MPRIP: variants seen among roughly 807,000 people sequenced by gnomAD.
MPRIP encodes the protein myosin phosphatase Rho interacting protein.
In MPRIP, 59 loss-of-function variants were observed where a neutral mutation model predicts 234.9. The observed-to-expected ratio is 0.25, with a 90% CI of 0.20 to 0.31. The LOEUF is 0.31. MPRIP is among the 10% of genes least tolerant of loss of function. The probability of loss-of-function intolerance (pLI) is 1.00; values close to 1 mark genes in which losing one functional copy is unlikely to be tolerated. For missense variants in MPRIP, 2,436 were observed against 3,071.0 expected, an observed-to-expected ratio of 0.79 and a Z score of 4.89; for synonymous variants, 1,144 against 1,263.9, an observed-to-expected ratio of 0.91 and a Z score of 2.01.
chr17:17,158,292 A>G (rs2045776655), intron 13 of MPRIP, 140 bp from the exon 14 acceptor site: 1 of 617,418 alleles, frequency 1.6e-6, no homozygotes, highest in South Asian at 2.2e-5. Context: ...TCCTCCCTGC[A>G]CTTAGGAAGC....
intron 3 of MPRIP, among the ~76,000 whole-genome samples, chr17:17,081,419 C>T (rs890833796): frequency 5.3e-5 from 8 of 151,954 alleles, no homozygotes; most frequent in African/African-American, 1.9e-4. Flanking sequence ...TAAGACAGGG[C>T]GGGTAGGAAA....
intron 22 of MPRIP, among the ~76,000 whole-genome samples, chr17:17,178,030 C>A (rs1567780373): frequency 6.6e-6 from 1 of 151,630 alleles, no homozygotes; most frequent in Non-Finnish European, 1.5e-5. Context: ...CAAGGATTCT[C>A]CCACCTTAGC....
intron 16 of MPRIP, among the ~76,000 whole-genome samples, chr17:17,169,897 AT>A (rs1043194191): frequency 2.0e-5 from 3 of 152,182 alleles, no homozygotes; most frequent in Non-Finnish European, 2.9e-5. Context: ...AAGATCAATT[AT>A]TTTTTAGCAT....
At chr17:17,110,473 T>C (rs956037416) in intron 3 of MPRIP, among the ~76,000 whole-genome samples, 52 of 152,172 alleles carry the variant, frequency 3.4e-4, no homozygotes, top group Admixed American at 1.2e-3. Context: ...TGTGCAGAAT[T>C]CCAGGTTATT....
chr17:17,164,056 C>T, intron 15 of MPRIP, 53 bp from the exon 16 acceptor site: 1 of 1,247,278 alleles, frequency 8.0e-7, no homozygotes, highest in Non-Finnish European at 1.1e-6. Context: ...GTGTGACACT[C>T]AGAACTGGGA....
rs2088229535 is a variant in MPRIP, at chr17:17,043,065, GA to G, written c.123+95del. On this transcript the variant is annotated intron_variant, in intron 1 of 23. Coordinates refer to ENST00000651222, the MANE Select transcript of MPRIP (RefSeq NM_001364716.4). ...AAGGGCTGCAGGGAAAATAAAAATG[GA>G]GCAGGGAAATGCGCGAGTCCTGGGG... The G allele has an allele frequency of 3.1e-6, 4 of 1,281,174 alleles. No homozygotes were observed. The Admixed American group carries it at 8.3e-5, about 27-fold the overall frequency. 79.4% of individuals were successfully genotyped at this position (1,281,174 alleles called of 1,614,324 possible).
rs1296458870 is a variant in MPRIP at position 17,164,859 on chromosome 17, G to A, written c.3268G>A (p.Glu1090Lys). ...HQLEEQLEAR[E>K]ASVRRLAEHV... ...GCTGGAGGAGCAGCTGGAGGCACGAGAGGCCAGCGTGCGCAGGCTCGCAGA... is the reference window on the plus strand; with the variant it reads ...GCTGGAGGAGCAGCTGGAGGCACGAAAGGCCAGCGTGCGCAGGCTCGCAGA... The change falls in exon 16 of 24, where the codon GAG becomes AAG. Residue 1090 changes from glutamate (E) to lysine (K), a missense_variant. Physicochemically the swap from Glu to Lys is moderately conservative, Grantham distance 56 (BLOSUM62 1). This residue lies in a region of MPRIP where 1,998 missense variants were observed against 2,520.3 expected (regional missense o/e 0.79). Coordinates refer to ENST00000651222, the MANE Select transcript of MPRIP (RefSeq NM_001364716.4). 2 of 1,303,948 alleles carry A rather than the reference G, an allele frequency of 1.5e-6. No homozygotes were observed. The highest frequency in any genetic ancestry group is 1.5e-5 in the African/African-American group (1 of 65,880). The allele number at this position is 1,303,948 out of a possible 1,614,324, so 80.8% of individuals were successfully genotyped here.
chr17:17,070,252 TTG>T (rs1324324333), intron 1 of MPRIP, among the ~76,000 whole-genome samples: 5 of 152,226 alleles, frequency 3.3e-5, no homozygotes, highest in Admixed American at 6.5e-5. Flanking sequence ...CTGGATTTCT[TTG>T]GGTTTATCCT....
chr17:17,175,151 G>A (rs919467212), intron 19 of MPRIP, 142 bp from the exon 20 acceptor site: 9 of 1,217,808 alleles, frequency 7.4e-6, no homozygotes, highest in African/African-American at 3.0e-5. Flanking sequence ...TGACAGAAAG[G>A]AATTAAGGGT....
At chr17:17,135,594 G>C (rs2144455011) in intron 5 of MPRIP, among the ~76,000 whole-genome samples, 1 of 152,280 alleles carries the variant, frequency 6.6e-6, no homozygotes, top group South Asian at 2.1e-4. Flanking sequence ...TGTCTGGTGA[G>C]GGCCCCCTTG....
At chr17:17,059,404 T>C (rs1597728165) in intron 1 of MPRIP, among the ~76,000 whole-genome samples, 1 of 152,342 alleles carries the variant, frequency 6.6e-6, no homozygotes, top group Non-Finnish European at 1.5e-5. Flanking sequence ...CTCCCACCTT[T>C]GCAGACCACT....
At position 17,164,283 on chromosome 17, in the gene MPRIP, G is replaced by A. The variant is rs1470596838; in HGVS notation, c.2692G>A (p.Glu898Lys). ...AKDTIRHHEA[E>K]IRSLQARLSN... ...GGACACGATCCGGCACCACGAGGCT[G>A]AGATCCGGAGCCTTCAGGCACGGCT... is the stretch of plus-strand genomic sequence containing the variant. The change falls in exon 16 of 24, where the codon GAG (glutamate) becomes AAG (lysine). Residue 898 changes from glutamate (E) to lysine (K), a missense_variant. By Grantham distance (56) the Glu-to-Lys change is moderately conservative (BLOSUM62 1). This residue lies in a region of MPRIP where 1,998 missense variants were observed against 2,520.3 expected (regional missense o/e 0.79). Transcript: ENST00000651222. 1.5e-6 allele frequency: 2 copies of A among 1,304,220 alleles called. No individual in the cohort carries two copies. The highest frequency in any genetic ancestry group is 2.5e-5 in the South Asian group (2 of 81,038). 80.8% of individuals were successfully genotyped at this position (1,304,220 alleles called of 1,614,324 possible).
chr17:17,135,662 C>T (rs1003491760), intron 5 of MPRIP, among the ~76,000 whole-genome samples: 1 of 152,152 alleles, frequency 6.6e-6, no homozygotes, highest in Non-Finnish European at 1.5e-5. Flanking sequence ...TCTATGAAGG[C>T]ACTAATCCTG....
rs769218928 is a variant in MPRIP at position 17,176,407 on chromosome 17, G to C, written c.6871-19G>C. 1.3e-6 allele frequency: 2 copies of C among 1,597,538 alleles called. No individual in the cohort carries two copies. The highest frequency in any genetic ancestry group is 8.6e-7 in the Non-Finnish European group (1 of 1,164,970). Reference sequence around the variant, plus strand: ...TCTTTGCTCCTGAATATTGGTCCCTGATCTCTCTGTCATTTTAGGTCTTAT... The same window carrying C: ...TCTTTGCTCCTGAATATTGGTCCCTCATCTCTCTGTCATTTTAGGTCTTAT... On this transcript the variant is annotated intron_variant, in intron 20 of 23. Coordinates refer to ENST00000651222, the MANE Select transcript of MPRIP (RefSeq NM_001364716.4).
rs767818178 is a variant in MPRIP at position 17,189,697 on chromosome 17, G to A, written c.*4803G>A. On this transcript the variant is annotated 3_prime_UTR_variant, in exon 24 of 24. Coordinates refer to ENST00000651222, the MANE Select transcript of MPRIP (RefSeq NM_001364716.4). ...ATTCGTTTTAGGGCATGAGATAAAA[G>A]TCCTGGCTAGGGGAGCCATAGGTCT... The A allele has an allele frequency of 2.0e-5, 3 of 152,202 alleles. No homozygotes were observed. The highest frequency in any genetic ancestry group is 2.9e-5 in the Non-Finnish European group (2 of 68,038). 9.4% of individuals were successfully genotyped at this position (152,202 alleles called of 1,614,324 possible).
intron 18 of MPRIP, 182 bp from the exon 19 acceptor site, chr17:17,173,734 G>A: frequency 1.4e-6 from 1 of 730,796 alleles, no homozygotes; most frequent in Non-Finnish European, 2.4e-6. Flanking sequence ...GAAAGGACCA[G>A]GGAGGGGCGT....
chr17:17,121,991 C>T (rs1567729109), intron 3 of MPRIP, among the ~76,000 whole-genome samples: 1 of 152,302 alleles, frequency 6.6e-6, no homozygotes, highest in South Asian at 2.1e-4. Context: ...AGGGTATTAT[C>T]TCATTCTTTT....
chr17:17,078,013 A>G lies in MPRIP; in HGVS notation c.204A>G (p.Lys68=). The G allele has an allele frequency of 6.2e-7, 1 of 1,614,148 alleles. No homozygotes were observed. The highest frequency in any genetic ancestry group is 1.1e-5 in the South Asian group (1 of 91,082). The change falls in exon 3 of 24, where the codon AAA becomes AAG. Residue 68 remains lysine (K), a splice_region_variant and synonymous_variant. Transcript: ENST00000651222. This position sits in a 1 kb window ranked among gnomAD's most constrained non-coding sequence, Gnocchi z 4.3. Reference sequence around the variant, plus strand: ...ACCCACCTTGTGCTCCGTTGCAGAAATGGCAGCGACGGTTCTTCATCCTTT... The same window carrying G: ...ACCCACCTTGTGCTCCGTTGCAGAAGTGGCAGCGACGGTTCTTCATCCTTT... The part of the protein sequence containing the change: ...DFDNPVHRSR[K]WQRRFFILYE...
chr17:17,053,672 G>A (rs925304460), intron 1 of MPRIP, among the ~76,000 whole-genome samples: 22 of 152,224 alleles, frequency 1.4e-4, no homozygotes, highest in African/African-American at 5.3e-4. Flanking sequence ...AAACAGCCCA[G>A]GGAGGGGACC....
Sources: gnomAD v4.1 joint callset for allele counts (sites outside exome capture counted in the v4.1 genomes callset) on GRCh38, gnomAD v4.1.1 for gene constraint, gnomAD v4.1.1 regional missense constraint, Gnocchi (gnomAD v3.1) non-coding constraint, MANE v1.5 for transcripts, NCBI Gene and HGNC (gene_info 2026-07-23, HGNC 2026-07-21) for gene names.